GPR158: variants seen among roughly 807,000 people sequenced by gnomAD.
GPR158 encodes the protein G protein-coupled receptor 158, also known as metabotropic glycine receptor.
Under a neutral mutation model 78.2 loss-of-function variants are expected in GPR158, and 30 were observed. The ratio of observed to expected loss-of-function variants is 0.38; its 90% CI spans 0.29 to 0.52. The LOEUF is 0.52. GPR158 is among the 20% of genes least tolerant of loss of function. The probability of loss-of-function intolerance (pLI) is 0.83; values close to 1 mark genes in which losing one functional copy is unlikely to be tolerated. For missense variants in GPR158, 1,463 were observed against 1,523.5 expected, an observed-to-expected ratio of 0.96 and a Z score of 0.66; for synonymous variants, 581 against 591.1, an observed-to-expected ratio of 0.98 and a Z score of 0.25.
At chr10:25,486,118 A>G (rs1025180678) in intron 5 of GPR158, among the ~76,000 whole-genome samples, 1 of 152,120 alleles carries the variant, frequency 6.6e-6, no homozygotes, top group Non-Finnish European at 1.5e-5. Context: ...TTTTTAAGCT[A>G]CCCAATTTGT....
rs1853762895 is a variant in GPR158, at chr10:25,249,743, T to A, written c.1008+28586T>A. Among the ~76,000 whole-genome samples, 2 of 152,138 alleles carry A rather than the reference T, an allele frequency of 1.3e-5. 1 individual carries two copies. Among genetic ancestry groups the A allele is most frequent in the Admixed American group, 1.3e-4 (2 of 15,268 alleles). ...ATTTTATTGATGATTTTTGCATCAA[T>A]GTTCATCAAGGATATTGGCCTAAAA... is the stretch of plus-strand genomic sequence containing the variant. On this transcript the variant is annotated intron_variant, in intron 2 of 10. Transcript: ENST00000376351.
chr10:25,385,130 C>T (rs767313429), intron 2 of GPR158, among the ~76,000 whole-genome samples: 6 of 152,024 alleles, frequency 3.9e-5, no homozygotes, highest in Non-Finnish European at 7.4e-5. Context: ...TATTCCCTTG[C>T]CCCTAACCCT....
chr10:25,248,660 T>C lies in GPR158; in HGVS notation c.1008+27503T>C, dbSNP rs1853740961. 7.3e-5 allele frequency among the ~76,000 whole-genome samples: 11 copies of C among 151,486 alleles called. No homozygotes were observed. In the South Asian group the frequency reaches 2.3e-3, roughly 32 times the overall value. ...CGTTATTTCTGAGGGCTCTGTTCTG[T>C]TCCATTGATCTATATCTCTGTTTTG... On this transcript the variant is annotated intron_variant, in intron 2 of 10. Transcript: ENST00000376351.
intron 2 of GPR158, among the ~76,000 whole-genome samples, chr10:25,226,275 G>A (rs1295661093): frequency 6.6e-6 from 1 of 152,196 alleles, no homozygotes; most frequent in Non-Finnish European, 1.5e-5. Flanking sequence ...AATAGCCCAT[G>A]TAACTAGTGG....
intron 4 of GPR158, among the ~76,000 whole-genome samples, chr10:25,437,072 T>A (rs1171301412): frequency 2.0e-5 from 3 of 152,126 alleles, no homozygotes; most frequent in Non-Finnish European, 4.4e-5. Flanking sequence ...AATATAAGCT[T>A]ATCACGGTAA....
At chr10:25,512,228 T>C (rs1449506601) in intron 5 of GPR158, among the ~76,000 whole-genome samples, 1 of 152,162 alleles carries the variant, frequency 6.6e-6, no homozygotes, top group Non-Finnish European at 1.5e-5. Flanking sequence ...TTTTGTGGTT[T>C]TCCTTGTAGA....
intron 2 of GPR158, among the ~76,000 whole-genome samples, chr10:25,376,882 T>C (rs1290249333): frequency 1.3e-5 from 2 of 151,568 alleles, no homozygotes; most frequent in Non-Finnish European, 3.0e-5. Context: ...GCTCCTTTGA[T>C]TTATGTATAT....
chr10:25,295,650 T>C (rs574844643), intron 2 of GPR158, among the ~76,000 whole-genome samples: 3 of 152,244 alleles, frequency 2.0e-5, no homozygotes, highest in Admixed American at 1.3e-4. Context: ...TCTGACCTCG[T>C]GATCCACCCG....
chr10:25,205,914 A>G (rs1853021124), intron 1 of GPR158, among the ~76,000 whole-genome samples: 1 of 150,924 alleles, frequency 6.6e-6, no homozygotes, highest in African/African-American at 2.4e-5. Context: ...TTCTGTTTTT[A>G]GGTGGAGAGT....
intron 3 of GPR158, among the ~76,000 whole-genome samples, chr10:25,401,563 C>G (rs1367485702): frequency 6.6e-6 from 1 of 152,066 alleles, no homozygotes; most frequent in African/African-American, 2.4e-5. Context: ...CCTTTTCCTC[C>G]ACTAGCTGAA....
At position 25,533,659 on chromosome 10, in the gene GPR158, G is replaced by T. The variant is rs186341839; in HGVS notation, c.1405-17317G>T. 2.1e-3 allele frequency among the ~76,000 whole-genome samples: 326 copies of T among 152,238 alleles called. 3 individuals are homozygous for T. Among genetic ancestry groups the T allele is most frequent in the African/African-American group, 7.5e-3 (313 of 41,546 alleles). ...ATTTTTACCTTGTCGGCAGTGTTCA[G>T]TTCAACCCTGCCTTGTTCACTTCAT... On this transcript the variant is annotated intron_variant, in intron 5 of 10. Transcript: ENST00000376351.
At chr10:25,366,820 G>T (rs1239578649) in intron 2 of GPR158, among the ~76,000 whole-genome samples, 2 of 139,768 alleles carry the variant, frequency 1.4e-5, no homozygotes, top group Admixed American at 7.2e-5. Flanking sequence ...AATTTTTTTT[G>T]ATGATTATGA....
At position 25,359,060 on chromosome 10, in the gene GPR158, T is replaced by A. The variant is rs1298787007; in HGVS notation, c.1009-36851T>A. ...TCTATCCATTATTGAGAGGGGAGTCTTGAAGCCTCTTGTTATCATTGATAA... is the reference window on the plus strand; with the variant it reads ...TCTATCCATTATTGAGAGGGGAGTCATGAAGCCTCTTGTTATCATTGATAA... On this transcript the variant is annotated intron_variant, in intron 2 of 10. Coordinates refer to ENST00000376351, the MANE Select transcript of GPR158 (RefSeq NM_020752.3). Among the ~76,000 whole-genome samples the A allele has an allele frequency of 3.3e-5, 5 of 152,022 alleles. No individual in the cohort carries two copies. The East Asian group carries it at 9.7e-4, about 30-fold the overall frequency.
At chr10:25,391,764 A>G (rs372811827) in intron 2 of GPR158, among the ~76,000 whole-genome samples, 1 of 152,130 alleles carries the variant, frequency 6.6e-6, no homozygotes, top group African/African-American at 2.4e-5. Flanking sequence ...TTGGGAAGGC[A>G]TGATTTGTTT....
At chr10:25,374,033 C>G (rs747901585) in intron 2 of GPR158, among the ~76,000 whole-genome samples, 2 of 151,618 alleles carry the variant, frequency 1.3e-5, no homozygotes, top group Non-Finnish European at 1.5e-5. Flanking sequence ...AAATCCCATA[C>G]TATAATTGTG....
intron 3 of GPR158, among the ~76,000 whole-genome samples, chr10:25,400,049 C>A (rs1834419619): frequency 6.6e-6 from 1 of 152,146 alleles, no homozygotes; most frequent in Non-Finnish European, 1.5e-5. Flanking sequence ...CACATACACA[C>A]ACATATAAAA....
At chr10:25,246,595 C>T (rs1219649000) in intron 2 of GPR158, among the ~76,000 whole-genome samples, 1 of 152,132 alleles carries the variant, frequency 6.6e-6, no homozygotes, top group Non-Finnish European at 1.5e-5. Context: ...TGACATGGCA[C>T]CTGCCTGCAA....
intron 2 of GPR158, among the ~76,000 whole-genome samples, chr10:25,360,346 A>G (rs1467502205): frequency 6.6e-6 from 1 of 151,822 alleles, no homozygotes; most frequent in Non-Finnish European, 1.5e-5. Context: ...CCTGAATGGT[A>G]TTGCCTAGGT....
chr10:25,219,342 C>T lies in GPR158; in HGVS notation c.903-1710C>T, dbSNP rs184526377. Among the ~76,000 whole-genome samples, 49 of 152,124 alleles carry T rather than the reference C, an allele frequency of 3.2e-4. 1 individual carries two copies. Among genetic ancestry groups the T allele is most frequent in the African/African-American group, 1.0e-3 (43 of 41,486 alleles). ...CTTACAGTGATATGCACATACCAGA[C>T]GATAAAAATTTGTTGAAAGAGGAAA... On this transcript the variant is annotated intron_variant, in intron 1 of 10. Coordinates refer to ENST00000376351, the MANE Select transcript of GPR158 (RefSeq NM_020752.3).
Sources: gnomAD v4.1 joint callset for allele counts (sites outside exome capture counted in the v4.1 genomes callset) on GRCh38, gnomAD v4.1.1 for gene constraint, MANE v1.5 for transcripts, NCBI Gene and HGNC (gene_info 2026-07-23, HGNC 2026-07-21) for gene names.